The following GRB14 variants were observed in gnomAD, a reference collection of about 807,000 sequenced individuals.
GRB14 encodes growth factor receptor bound protein 14.
A neutral mutation model predicts 69.1 loss-of-function variants in GRB14; 38 were observed. The ratio of observed to expected loss-of-function variants is 0.55; its 90% CI spans 0.42 to 0.72. GRB14 has a LOEUF of 0.72. GRB14 is among the 30% of genes least tolerant of loss of function. GRB14 has a pLI of 0.00. For synonymous variants in GRB14, 247 were observed against 241.3 expected, an observed-to-expected ratio of 1.02 and a Z score of -0.22; for missense variants, 666 against 666.1, an observed-to-expected ratio of 1.00 and a Z score of 0.00.
chr2:164,571,266 CA>C (rs139907255), intron 2 of GRB14, among the ~76,000 whole-genome samples: 4,086 of 152,140 alleles, frequency 0.027, 169 homozygotes, highest in African/African-American at 0.094. Context: ...TCTTCAGTTG[CA>C]AAAATGAGGA....
intron 2 of GRB14, among the ~76,000 whole-genome samples, chr2:164,612,654 TC>T (rs1005622060): frequency 6.6e-6 from 1 of 152,034 alleles, no homozygotes; most frequent in African/African-American, 2.4e-5. Flanking sequence ...TGACGTTTTT[TC>T]AAAGCAATAT....
intron 2 of GRB14, among the ~76,000 whole-genome samples, chr2:164,551,869 T>C (rs1294971244): frequency 6.6e-6 from 1 of 152,170 alleles, no homozygotes; most frequent in East Asian, 1.9e-4. Flanking sequence ...TGAGGCTGGG[T>C]AATTTATAAA....
intron 2 of GRB14, among the ~76,000 whole-genome samples, chr2:164,613,033 G>A (rs143525101): frequency 0.01 from 1,592 of 152,282 alleles, 30 homozygotes; most frequent in African/African-American, 0.036. Flanking sequence ...CTGTCATCAG[G>A]GGTTAAGGGA....
intron 1 of GRB14, chr2:164,620,060 C>A: frequency 1.1e-5 from 1 of 90,508 alleles, no homozygotes; most frequent in South Asian, 1.9e-4. Flanking sequence ...CTCTCTCTCT[C>A]TCCCCTCCCA....
intron 2 of GRB14, among the ~76,000 whole-genome samples, chr2:164,615,925 A>G (rs1286106513): frequency 1.3e-5 from 2 of 152,258 alleles, no homozygotes; most frequent in Non-Finnish European, 2.9e-5. Context: ...AGGGTTCATT[A>G]CTAACAGATG....
chr2:164,513,488 A>C (rs1387737766), intron 6 of GRB14, among the ~76,000 whole-genome samples: 1 of 152,228 alleles, frequency 6.6e-6, no homozygotes, highest in Non-Finnish European at 1.5e-5. Context: ...GGCCCTGTGA[A>C]TACAAAGGCA....
intron 3 of GRB14, among the ~76,000 whole-genome samples, chr2:164,529,064 G>A (rs1221786772): frequency 6.6e-6 from 1 of 152,106 alleles, no homozygotes; most frequent in Non-Finnish European, 1.5e-5. Context: ...ACCTACAATG[G>A]AATATTCAGC....
intron 2 of GRB14, among the ~76,000 whole-genome samples, chr2:164,567,338 C>T (rs1688999979): frequency 2.0e-5 from 3 of 152,030 alleles, no homozygotes; most frequent in Admixed American, 2.0e-4. Flanking sequence ...AGTAAAGAGG[C>T]ACTTCGTTTT....
chr2:164,613,884 A>C (rs956114629), intron 2 of GRB14, among the ~76,000 whole-genome samples: 2 of 152,238 alleles, frequency 1.3e-5, no homozygotes, highest in Non-Finnish European at 2.9e-5. Context: ...CTCAGTTTTG[A>C]AAGGTCCAAT....
chr2:164,612,945 A>C (rs2105361025), intron 2 of GRB14, among the ~76,000 whole-genome samples: 1 of 152,330 alleles, frequency 6.6e-6, no homozygotes, highest in Non-Finnish European at 1.5e-5. Context: ...TTAAGTTTTA[A>C]AATAGGAAAA....
intron 6 of GRB14, among the ~76,000 whole-genome samples, chr2:164,517,602 T>C (rs1687525644): frequency 6.6e-6 from 1 of 152,084 alleles, no homozygotes; most frequent in Non-Finnish European, 1.5e-5. Flanking sequence ...CAACCAAGTA[T>C]TTGCTGTCTT....
At chr2:164,583,010 G>T (rs997643862) in intron 2 of GRB14, among the ~76,000 whole-genome samples, 6 of 152,140 alleles carry the variant, frequency 3.9e-5, no homozygotes, top group Non-Finnish European at 7.3e-5. Context: ...CTACTGAAGA[G>T]CAGTCCATTG....
chr2:164,519,218 T>C (rs1219496495), intron 6 of GRB14, among the ~76,000 whole-genome samples: 1 of 152,120 alleles, frequency 6.6e-6, no homozygotes, highest in Admixed American at 6.5e-5. Flanking sequence ...TAATTTAACA[T>C]ATGCAAGTCA....
intron 3 of GRB14, among the ~76,000 whole-genome samples, chr2:164,537,278 G>A (rs1411138119): frequency 6.6e-6 from 1 of 152,108 alleles, no homozygotes; most frequent in Non-Finnish European, 1.5e-5. Context: ...AAAGGCTGGG[G>A]TTTTACTTTC....
In GRB14 at chr2:164,526,986, C is replaced by G. The variant is rs377502946; in HGVS notation, c.603+28G>C. On this transcript the variant is annotated intron_variant, in intron 4 of 13. Coordinates refer to ENST00000263915, the MANE Select transcript of GRB14 (RefSeq NM_004490.3). ...AAATTTAACGGGTTCATTTATTTTC[C>G]GTAACTATTAGGAGGGATTTCACTT... 2.0e-6 allele frequency: 3 copies of G among 1,500,484 alleles called. No individual in the cohort carries two copies. The Admixed American group carries it at 5.7e-5, about 29-fold the overall frequency. The allele number at this position is 1,500,484 out of a possible 1,614,324, so 92.9% of individuals were successfully genotyped here. A position where few individuals can be genotyped will look rare whatever the true frequency, so the allele number is the denominator to read the frequency against.
intron 2 of GRB14, among the ~76,000 whole-genome samples, chr2:164,585,845 C>A (rs1184865352): frequency 6.6e-6 from 1 of 152,128 alleles, no homozygotes; most frequent in East Asian, 1.9e-4. Context: ...AACAAAACAA[C>A]CTCCAAATTT....
At chr2:164,525,790 C>T (rs76419725) in intron 4 of GRB14, among the ~76,000 whole-genome samples, 4,360 of 151,994 alleles carry the variant, frequency 0.029, 188 homozygotes, top group African/African-American at 0.099. Flanking sequence ...ACATTTTGGT[C>T]TAATAATTCT....
At chr2:164,570,984 G>T (rs1006637334) in intron 2 of GRB14, among the ~76,000 whole-genome samples, 8 of 152,242 alleles carry the variant, frequency 5.3e-5, no homozygotes, top group African/African-American at 1.9e-4. Flanking sequence ...TTGTGACTAT[G>T]TTATCAAAAA....
At chr2:164,620,769 C>T (rs972137119) in intron 1 of GRB14, among the ~76,000 whole-genome samples, 3 of 152,202 alleles carry the variant, frequency 2.0e-5, no homozygotes, top group East Asian at 3.9e-4. Flanking sequence ...ATTTATGCTA[C>T]GATTTTTTTA....
Sources: allele counts gnomAD v4.1 joint callset (sites outside exome capture counted in the v4.1 genomes callset), GRCh38; gene constraint gnomAD v4.1.1; transcripts MANE v1.5; gene names NCBI Gene and HGNC (gene_info 2026-07-23, HGNC 2026-07-21).